Variants in KCNK2 observed in about 807,000 individuals in gnomAD.
The protein encoded by KCNK2 is potassium channel subfamily K member 2.
Under a neutral mutation model 40.5 loss-of-function variants are expected in KCNK2, and 21 were observed. The ratio of observed to expected loss-of-function variants is 0.52; its 90% CI spans 0.37 to 0.75. The LOEUF (loss-of-function observed/expected upper bound fraction) is 0.75, where lower values mean the gene tolerates loss of function less well. Ranked by LOEUF, KCNK2 falls within the 30% of genes least tolerant of loss-of-function variation. KCNK2 has a pLI of 0.00. For synonymous variants in KCNK2, 191 were observed against 202.2 expected (o/e 0.94, Z 0.47); for missense variants, 399 against 531.6 (o/e 0.75, Z 2.45).
At chr1:215,208,753 GA>G (rs1310962404) in intron 6 of KCNK2, among the ~76,000 whole-genome samples, 2 of 151,990 alleles carry the variant, frequency 1.3e-5, no homozygotes, top group Admixed American at 6.6e-5. Flanking sequence ...TAAATATGAT[GA>G]TTTTTTTCAA....
At chr1:215,097,357 C>T (rs1571906011) in intron 2 of KCNK2, among the ~76,000 whole-genome samples, 1 of 151,690 alleles carries the variant, frequency 6.6e-6, no homozygotes, top group South Asian at 2.1e-4. Flanking sequence ...TCTTCCTGCC[C>T]CCTTCCATTC....
At chr1:215,026,827 T>C (rs1009534205) in intron 1 of KCNK2, among the ~76,000 whole-genome samples, 2 of 151,526 alleles carry the variant, frequency 1.3e-5, no homozygotes, top group Admixed American at 1.3e-4. Context: ...TATGTGTGTG[T>C]GTATGTGTAA....
At position 215,029,936 on chromosome 1, in the gene KCNK2, A is replaced by C. The variant is rs115400776; in HGVS notation, c.34+23981A>C. Among the ~76,000 whole-genome samples the C allele has an allele frequency of 7.5e-3, 1,143 of 152,268 alleles. 19 individuals are homozygous for C. Among genetic ancestry groups the C allele is most frequent in the African/African-American group, 0.026 (1,075 of 41,562 alleles). On this transcript the variant is annotated intron_variant, in intron 1 of 6. Transcript: ENST00000391895. ...ATTCCTTTGGATAATAAGAAGGAGCACAATTACTGGATCATATGGTGGGAG... is the reference window on the plus strand; with the variant it reads ...ATTCCTTTGGATAATAAGAAGGAGCCCAATTACTGGATCATATGGTGGGAG...
At chr1:215,204,655 T>TA (rs11417867) in intron 6 of KCNK2, among the ~76,000 whole-genome samples, 123,004 of 151,976 alleles carry the variant, frequency 0.81, 53,299 homozygotes, top group East Asian at 0.98. Flanking sequence ...TATTCAGAGC[T>TA]AAAAAAATCT....
chr1:215,026,627 A>G (rs1208381991), intron 1 of KCNK2, among the ~76,000 whole-genome samples: 1 of 151,962 alleles, frequency 6.6e-6, no homozygotes, highest in Non-Finnish European at 1.5e-5. Flanking sequence ...TATATCTGCC[A>G]TCCCTATATT....
At chr1:215,011,808 A>G (rs369506862) in intron 1 of KCNK2, among the ~76,000 whole-genome samples, 194 of 150,896 alleles carry the variant, frequency 1.3e-3, no homozygotes, top group African/African-American at 4.5e-3. Flanking sequence ...GGGTTTCACC[A>G]TGTTGGTCAG....
upstream of KCNK2, among the ~76,000 whole-genome samples, chr1:215,078,066 A>G (rs1350574271): frequency 6.6e-6 from 1 of 152,206 alleles, no homozygotes; most frequent in Non-Finnish European, 1.5e-5. Flanking sequence ...AAGAAGAATA[A>G]TTGTCTTGGC....
intron 3 of KCNK2, among the ~76,000 whole-genome samples, chr1:215,132,676 A>G (rs1456426718): frequency 6.6e-6 from 1 of 152,258 alleles, no homozygotes; most frequent in African/African-American, 2.4e-5. Context: ...TAATGAAAAC[A>G]AAACCCATAT....
intron 1 of KCNK2, among the ~76,000 whole-genome samples, chr1:215,067,260 G>A (rs1237040348): frequency 2.6e-5 from 4 of 151,978 alleles, no homozygotes; most frequent in African/African-American, 9.7e-5. Context: ...AATATCACAT[G>A]TATCCCATTA....
At chr1:215,027,956 A>G (rs1290882438) in intron 1 of KCNK2, among the ~76,000 whole-genome samples, 1 of 152,188 alleles carries the variant, frequency 6.6e-6, no homozygotes, top group African/African-American at 2.4e-5. Context: ...TTTGTTCACA[A>G]TATATCTTAA....
intron 2 of KCNK2, among the ~76,000 whole-genome samples, chr1:215,094,240 T>C (rs1398411006): frequency 6.6e-6 from 1 of 151,864 alleles, no homozygotes; most frequent in Non-Finnish European, 1.5e-5. Context: ...AAACTTTTTG[T>C]ACCTAATTAT....
At chr1:215,077,827 A>C (rs766373215), upstream of KCNK2, among the ~76,000 whole-genome samples, 1 of 151,604 alleles carries the variant, frequency 6.6e-6, no homozygotes, top group Non-Finnish European at 1.5e-5. Flanking sequence ...TTTTTACATC[A>C]CTTCTTTACA....
rs550742132 is a variant in KCNK2, at chr1:215,151,923, A to G, written c.476-17276A>G. On this transcript the variant is annotated intron_variant, in intron 3 of 6. Transcript: ENST00000444842. Reference sequence around the variant, plus strand: ...CTCTTGTCCATTACTTCATGAAATTATTCTCATTTACAGTAATTCTTCTTC... The same window carrying G: ...CTCTTGTCCATTACTTCATGAAATTGTTCTCATTTACAGTAATTCTTCTTC... 2.0e-5 allele frequency among the ~76,000 whole-genome samples: 3 copies of G among 152,240 alleles called. No individual in the cohort carries two copies. In the South Asian group the frequency reaches 6.2e-4, roughly 32 times the overall value.
intron 1 of KCNK2, chr1:215,083,653 C>T: frequency 1.7e-6 from 1 of 603,252 alleles, no homozygotes; most frequent in Non-Finnish European, 3.0e-6. Flanking sequence ...GGGGTTTTTG[C>T]ATCTGCCTGA....
intron 1 of KCNK2, among the ~76,000 whole-genome samples, chr1:215,061,814 T>C (rs955178398): frequency 1.3e-5 from 2 of 152,114 alleles, no homozygotes; most frequent in Non-Finnish European, 2.9e-5. Context: ...GTTTTAATAA[T>C]AAAGGATAAG....
chr1:215,218,674 C>T (rs544765125), intron 6 of KCNK2, among the ~76,000 whole-genome samples: 5 of 152,302 alleles, frequency 3.3e-5, no homozygotes, highest in South Asian at 2.1e-4. Flanking sequence ...TGGTCCACCA[C>T]GGTAGCATCC....
Position 215,083,197 on chromosome 1 carries a change from C to G in KCNK2, c.-189C>G, listed in dbSNP as rs1401245620. 3.7e-6 allele frequency: 2 copies of G among 536,476 alleles called. No individual in the cohort carries two copies. The highest frequency in any genetic ancestry group is 4.2e-5 in the African/African-American group (2 of 47,844). The allele number at this position is 536,476 out of a possible 1,614,324, so 33.2% of individuals were successfully genotyped here. A position where few individuals can be genotyped will look rare whatever the true frequency, so the allele number is the denominator to read the frequency against. ...GCGATTTCGTTTCTTCTCACGCTCCCCCCCCCGCCCCCTCCCGCGTCCAGC... is the reference window on the plus strand; with the variant it reads ...GCGATTTCGTTTCTTCTCACGCTCCGCCCCCCGCCCCCTCCCGCGTCCAGC... On this transcript the variant is annotated 5_prime_UTR_variant, in exon 1 of 7. Coordinates refer to ENST00000444842, the MANE Select transcript of KCNK2 (RefSeq NM_001017425.3).
chr1:215,071,987 T>C (rs1444331858), intron 1 of KCNK2, among the ~76,000 whole-genome samples: 1 of 152,206 alleles, frequency 6.6e-6, no homozygotes, highest in Admixed American at 6.5e-5. Flanking sequence ...ACATGGAGTT[T>C]TGTATTAATG....
In KCNK2 at chr1:215,146,474, G is replaced by T. The variant is rs375334011; in HGVS notation, c.475+21724G>T. Reference sequence around the variant, plus strand: ...GAAATACTGTTTGAACTGCAGGCGCGGTTGTTTCTGGGCCAAGAGGAAGTT... The same window carrying T: ...GAAATACTGTTTGAACTGCAGGCGCTGTTGTTTCTGGGCCAAGAGGAAGTT... On this transcript the variant is annotated intron_variant, in intron 3 of 6. Transcript: ENST00000444842. Among the ~76,000 whole-genome samples, 10 of 152,252 alleles carry T rather than the reference G, an allele frequency of 6.6e-5. No homozygotes were observed. In the East Asian group the frequency reaches 1.4e-3, roughly 21 times the overall value.
Sources: allele counts gnomAD v4.1 joint callset (sites outside exome capture counted in the v4.1 genomes callset), GRCh38; gene constraint gnomAD v4.1.1; transcripts MANE v1.5; gene names NCBI Gene and HGNC (gene_info 2026-07-23, HGNC 2026-07-21).